The following TAF8 variants were observed in gnomAD, a reference collection of about 807,000 sequenced individuals.
The protein encoded by TAF8 is transcription initiation factor TFIID subunit 8.
TAF8 carries 47 observed loss-of-function variants against 36.5 expected under a neutral mutation model. The observed-to-expected ratio is 1.29, with a 90% CI of 1.02 to 1.64. The LOEUF is 1.64. TAF8 is among the 40% of genes most tolerant of loss of function. The pLI, the probability that TAF8 is intolerant of heterozygous loss-of-function variation, is 0.00. For synonymous variants in TAF8, 175 were observed against 159.5 expected, an observed-to-expected ratio of 1.10 and a Z score of -0.73; for missense variants, 420 against 407.6, an observed-to-expected ratio of 1.03 and a Z score of -0.26.
intron 7 of TAF8, 91 bp downstream of exon 7, chr6:42,068,698 C>T (rs1763591362): frequency 2.6e-6 from 4 of 1,510,186 alleles, no homozygotes; most frequent in Middle Eastern, 2.1e-4. Flanking sequence ...ACATGATCGA[C>T]CTCAGGTCTC....
In TAF8 at chr6:42,079,978, G is replaced by C; in HGVS notation, c.*2433G>C. On this transcript the variant is annotated 3_prime_UTR_variant, in exon 9 of 9. Coordinates refer to ENST00000372977, the MANE Select transcript of TAF8 (RefSeq NM_138572.3). ...AAGGAAAGAGCTGCTTGTCAGGAAC[G>C]GAAGAGGGGACGCTAGTAAAAAAAA... The C allele has an allele frequency of 6.1e-6, 6 of 975,792 alleles. No individual in the cohort carries two copies. The highest frequency in any genetic ancestry group is 7.3e-6 in the Non-Finnish European group (6 of 826,972). 60.4% of individuals were successfully genotyped at this position (975,792 alleles called of 1,614,324 possible).
Position 42,050,529 on chromosome 6 carries a change from A to G in TAF8, c.-13A>G. On this transcript the variant is annotated 5_prime_UTR_variant, in exon 1 of 9. Transcript: ENST00000372977. ...ATCGCGCCCCGCGCTCGCGCACACT[A>G]CGCCAGAACAAGATGGCCGACGCGG... 1.3e-6 allele frequency: 2 copies of G among 1,552,176 alleles called. No homozygotes were observed. The highest frequency in any genetic ancestry group is 1.7e-6 in the Non-Finnish European group (2 of 1,148,134).
chr6:42,073,802 A>G (rs1765666045), intron 7 of TAF8, among the ~76,000 whole-genome samples: 1 of 152,144 alleles, frequency 6.6e-6, no homozygotes, highest in Non-Finnish European at 1.5e-5. Flanking sequence ...TTCTTAAAGC[A>G]CCACTCTGAT....
chr6:42,075,370 A>C (rs1490902529), intron 7 of TAF8, among the ~76,000 whole-genome samples: 1 of 152,110 alleles, frequency 6.6e-6, no homozygotes, highest in Non-Finnish European at 1.5e-5. Context: ...GAGAGGGAAA[A>C]CACACAGGCC....
At chr6:42,065,632 A>C (rs373423078) in intron 5 of TAF8, among the ~76,000 whole-genome samples, 21 of 152,168 alleles carry the variant, frequency 1.4e-4, no homozygotes, top group African/African-American at 5.1e-4. Flanking sequence ...AGGAGGTCAC[A>C]TTGCGCTGAT....
rs1245915163 is a variant in TAF8, at chr6:42,068,490, C to T, written c.663C>T (p.Ile221=). ...TGATTGCTGCCAGACCTTTCACCAT[C>T]CCCTACCTGACAGCTCTTCTTCCGT... ...FPLIAARPFT[I]PYLTALLPSE... Residue 221 remains isoleucine, a synonymous_variant, in exon 7 of 9, where the codon ATC becomes ATT. Transcript: ENST00000372977. 6.2e-7 allele frequency: 1 copy of T among 1,614,136 alleles called. No individual in the cohort carries two copies. The highest frequency in any genetic ancestry group is 2.2e-5 in the East Asian group (1 of 44,890).
intron 5 of TAF8, among the ~76,000 whole-genome samples, chr6:42,058,966 C>T (rs1009721870): frequency 2.6e-5 from 4 of 151,992 alleles, no homozygotes; most frequent in Admixed American, 2.0e-4. Context: ...GAGGGGGAGA[C>T]TGGAGTTTTA....
In TAF8 at chr6:42,077,533, G is replaced by A. The variant is rs1335635970; in HGVS notation, c.921G>A (p.Lys307=). 6.2e-7 allele frequency: 1 copy of A among 1,612,978 alleles called. No individual in the cohort carries two copies. Among genetic ancestry groups the A allele is most frequent in the Non-Finnish European group, 8.5e-7 (1 of 1,179,614 alleles). The change falls in exon 9 of 9, where the codon AAG becomes AAA. Residue 307 remains lysine, a splice_region_variant and synonymous_variant. Coordinates refer to ENST00000372977, the MANE Select transcript of TAF8 (RefSeq NM_138572.3). ...PVKKPKIRRK[K]SLS is the part of the protein sequence containing the mutation. ...GCTCCATGGTTCCTCTTCTTTCTAG[G>A]TCCCTCTCCTGAGCTGAGAAGGAAA... is the stretch of plus-strand genomic sequence containing the variant.
chr6:42,050,558 C>T lies in TAF8; in HGVS notation c.17C>T (p.Ala6Val), dbSNP rs1435531116. The change falls in exon 1 of 9, where the codon GCC becomes GTC. Residue 6 changes from alanine to valine, a missense_variant. Coordinates refer to ENST00000372977, the MANE Select transcript of TAF8 (RefSeq NM_138572.3). MADAA[A>V]TAGAGGSGTR... Reference sequence around the variant, plus strand: ...CAGAACAAGATGGCCGACGCGGCGGCCACAGCTGGGGCCGGTGGCTCCGGA... The same window carrying T: ...CAGAACAAGATGGCCGACGCGGCGGTCACAGCTGGGGCCGGTGGCTCCGGA... 2.6e-6 allele frequency: 4 copies of T among 1,555,824 alleles called. No individual in the cohort carries two copies. The highest frequency in any genetic ancestry group is 3.5e-6 in the Non-Finnish European group (4 of 1,150,030).
In TAF8 at chr6:42,081,958, G is replaced by A. The variant is rs1765938299; in HGVS notation, c.*4413G>A. The stretch of plus-strand genomic sequence containing the variant: ...CAAAAAATGTTGAGAGAGATCCTAT[G>A]TACCCATCACCCACTTTCTCCCAGT... On this transcript the variant is annotated 3_prime_UTR_variant, in exon 9 of 9. Transcript: ENST00000372977. 6.6e-6 allele frequency: 1 copy of A among 152,228 alleles called. No individual in the cohort carries two copies. The highest frequency in any genetic ancestry group is 2.4e-5 in the African/African-American group (1 of 41,454). The allele number at this position is 152,228 out of a possible 1,614,324, so 9.4% of individuals were successfully genotyped here. A position where few individuals can be genotyped will look rare whatever the true frequency, so the allele number is the denominator to read the frequency against.
At chr6:42,060,992 T>G (rs1765170398) in intron 5 of TAF8, among the ~76,000 whole-genome samples, 2 of 152,218 alleles carry the variant, frequency 1.3e-5, no homozygotes, top group African/African-American at 2.4e-5. Context: ...AACAAAAGGT[T>G]TAGCAATGTT....
intron 1 of TAF8, 61 bp from the exon 2 acceptor site, chr6:42,051,296 C>T: frequency 6.6e-7 from 1 of 1,525,510 alleles, no homozygotes; most frequent in East Asian, 2.3e-5. Context: ...CCGTTGACCA[C>T]GTATGAACTA....
Position 42,055,545 on chromosome 6 carries a change from G to C in TAF8, c.217G>C (p.Gly73Arg), listed in dbSNP as rs1473339290. 1 of 1,613,762 alleles carries C rather than the reference G, an allele frequency of 6.2e-7. No individual in the cohort carries two copies. Among genetic ancestry groups the C allele is most frequent in the Admixed American group, 1.7e-5 (1 of 60,020 alleles). Residue 73 changes from glycine (G) to arginine (R), a missense_variant, in exon 3 of 9, where the codon GGG becomes CGG. Physicochemically the swap from Gly to Arg is moderately radical, Grantham distance 125 (BLOSUM62 -2). Transcript: ENST00000372977. ...EMLQSYISEI[G>R]RSAKSYCEHT... ...TCCCCTCTTAGACATTTCAGAAATTGGGAGAAGTGCCAAGTCTTACTGTGA... is the reference window on the plus strand; with the variant it reads ...TCCCCTCTTAGACATTTCAGAAATTCGGAGAAGTGCCAAGTCTTACTGTGA...
Position 42,077,908 on chromosome 6 carries a change from C to T in TAF8, c.*363C>T. 3.0e-6 allele frequency: 1 copy of T among 338,550 alleles called. No homozygotes were observed. Among genetic ancestry groups the T allele is most frequent in the Non-Finnish European group, 4.7e-6 (1 of 213,358 alleles). 21.0% of individuals were successfully genotyped at this position (338,550 alleles called of 1,614,324 possible). ...AGTAGCTGGGACTAGAGGCAAGCGC[C>T]ACCATGCTGGCTAATTTTTGTATTT... On this transcript the variant is annotated 3_prime_UTR_variant, in exon 9 of 9. Coordinates refer to ENST00000372977, the MANE Select transcript of TAF8 (RefSeq NM_138572.3).
At chr6:42,075,341 C>T (rs1426226549) in intron 7 of TAF8, among the ~76,000 whole-genome samples, 1 of 152,158 alleles carries the variant, frequency 6.6e-6, no homozygotes, top group Non-Finnish European at 1.5e-5. Flanking sequence ...ACCTTGTGGT[C>T]CCACTGGATT....
chr6:42,059,436 G>A (rs964600388), intron 5 of TAF8, among the ~76,000 whole-genome samples: 7 of 151,762 alleles, frequency 4.6e-5, no homozygotes, highest in Admixed American at 3.3e-4. Flanking sequence ...TTCTTGCACT[G>A]AGTCAGTTCC....
intron 7 of TAF8, chr6:42,071,600 AGGCGTGAGCCACCACACCC>A (rs1765578739): frequency 6.6e-6 from 1 of 151,674 alleles, no homozygotes; most frequent in Non-Finnish European, 1.5e-5. Context: ...CTGGGATTAC[AGGCGTGAGCCACCACACCC>A]GGCCTGGATA....
rs2127465345 is a variant in TAF8, at chr6:42,078,314, G to C, written c.*769G>C. Reference sequence around the variant, plus strand: ...CCAGGGAAAGTGACAGGAAGGAAAGGGCTCTTTGCTGCTGTGCTTATTACA... The same window carrying C: ...CCAGGGAAAGTGACAGGAAGGAAAGCGCTCTTTGCTGCTGTGCTTATTACA... On this transcript the variant is annotated 3_prime_UTR_variant, in exon 9 of 9. Transcript: ENST00000372977. 1.0e-6 allele frequency: 1 copy of C among 985,436 alleles called. No homozygotes were observed. The highest frequency in any genetic ancestry group is 4.7e-5 in the South Asian group (1 of 21,286). The allele number at this position is 985,436 out of a possible 1,614,324, so 61.0% of individuals were successfully genotyped here.
intron 7 of TAF8, among the ~76,000 whole-genome samples, chr6:42,072,344 T>G (rs1252549797): frequency 6.6e-6 from 1 of 152,232 alleles, no homozygotes; most frequent in Admixed American, 6.5e-5. Flanking sequence ...AATACAATCA[T>G]ATGTTTCAAA....
Sources: gnomAD v4.1 joint callset for allele counts (sites outside exome capture counted in the v4.1 genomes callset) on GRCh38, gnomAD v4.1.1 for gene constraint, MANE v1.5 for transcripts, NCBI Gene and HGNC (gene_info 2026-07-23, HGNC 2026-07-21) for gene names.